IKBKE: variants seen among roughly 807,000 people sequenced by gnomAD.
IKBKE encodes the protein inhibitor of nuclear factor kappa B kinase subunit epsilon.
IKBKE carries 45 observed loss-of-function variants against 92.1 expected under a neutral mutation model. The ratio of observed to expected loss-of-function variants is 0.49; its 90% CI spans 0.38 to 0.63. The LOEUF (loss-of-function observed/expected upper bound fraction) is 0.63. Ranked by LOEUF, IKBKE falls within the 20% of genes least tolerant of loss-of-function variation. IKBKE has a pLI of 0.00. For synonymous variants in IKBKE, 374 were observed against 380.3 expected (o/e 0.98, Z 0.19); for missense variants, 700 against 932.8 (o/e 0.75, Z 3.25).
intron 16 of IKBKE, among the ~76,000 whole-genome samples, chr1:206,489,904 C>T (rs1188114925): frequency 2.0e-5 from 3 of 152,096 alleles, no homozygotes; most frequent in Non-Finnish European, 2.9e-5. Context: ...AAAATGAACC[C>T]CTAACTGTTA....
intron 13 of IKBKE, among the ~76,000 whole-genome samples, chr1:206,481,933 C>T (rs1344625209): frequency 6.6e-6 from 1 of 151,726 alleles, no homozygotes; most frequent in Non-Finnish European, 1.5e-5. Flanking sequence ...GTGCCCGCCA[C>T]TACGCCCGGC....
Position 206,490,234 on chromosome 1 carries a change from G to C in IKBKE, c.1694-585G>C, listed in dbSNP as rs1482717503. On this transcript the variant is annotated intron_variant, in intron 16 of 21. Coordinates refer to ENST00000581977, the MANE Select transcript of IKBKE (RefSeq NM_014002.4). The surrounding 1 kb of genome is among the most constrained non-coding windows in gnomAD (Gnocchi z 5.2). ...TTCATCTTGGGGCTGCCGCCACCCT[G>C]GAGGCCCATTCCTGCGAAGACCAGG... 6.6e-6 allele frequency among the ~76,000 whole-genome samples: 1 copy of C among 152,160 alleles called. No homozygotes were observed. The highest frequency in any genetic ancestry group is 2.4e-5 in the African/African-American group (1 of 41,432).
rs782296451 is a variant in IKBKE at position 206,474,426 on chromosome 1, G to A, written c.183G>A (p.Lys61=). ...VQVREFEVLR[K]LNHQNIVKLF... Reference sequence around the variant, plus strand: ...TGAGGGAGTTTGAGGTCCTGCGGAAGCTGAACCACCAGAACATTGTCAAGC... The same window carrying A: ...TGAGGGAGTTTGAGGTCCTGCGGAAACTGAACCACCAGAACATTGTCAAGC... Residue 61 remains lysine, a synonymous_variant, in exon 4 of 22, where the codon AAG becomes AAA. Coordinates refer to ENST00000581977, the MANE Select transcript of IKBKE (RefSeq NM_014002.4). The A allele has an allele frequency of 3.1e-6, 5 of 1,614,078 alleles. No homozygotes were observed. Among genetic ancestry groups the A allele is most frequent in the Non-Finnish European group, 3.4e-6 (4 of 1,180,030 alleles).
intron 10 of IKBKE, among the ~76,000 whole-genome samples, chr1:206,479,345 A>G (rs529830622): frequency 4.6e-5 from 7 of 152,318 alleles, no homozygotes; most frequent in Admixed American, 2.0e-4. Context: ...GCTTACTGGC[A>G]TCCTCAGAGC....
At chr1:206,492,930 T>C in intron 18 of IKBKE, 93 bp from the exon 19 acceptor site, 2 of 1,089,916 alleles carry the variant, frequency 1.8e-6, no homozygotes. Context: ...GGGACCCACC[T>C]GTGTCCATGT....
chr1:206,476,562 A>C lies in IKBKE; in HGVS notation c.541-116A>C, dbSNP rs982609243. On this transcript the variant is annotated intron_variant, in intron 6 of 21. Transcript: ENST00000581977. This position sits in a 1 kb window ranked among gnomAD's most constrained non-coding sequence, Gnocchi z 5.1. ...GGCTGACACCCATTTTTAAGATGAC[A>C]AAGAAGGATTTGAACAGTTCTGTTT... The C allele has an allele frequency of 7.7e-7, 1 of 1,298,762 alleles. No individual in the cohort carries two copies. Among genetic ancestry groups the C allele is most frequent in the Non-Finnish European group, 1.1e-6 (1 of 935,016 alleles). 80.5% of individuals were successfully genotyped at this position (1,298,762 alleles called of 1,614,324 possible). A position where few individuals can be genotyped will look rare whatever the true frequency, so the allele number is the denominator to read the frequency against.
At chr1:206,492,001 T>G (rs1558484683) in intron 18 of IKBKE, 3 of 388,514 alleles carry the variant, frequency 7.7e-6, no homozygotes, top group Non-Finnish European at 9.7e-6. Context: ...GTGAGGAAAC[T>G]GAGGCTCTGA....
intron 13 of IKBKE, among the ~76,000 whole-genome samples, chr1:206,481,320 C>T (rs782050750): frequency 6.6e-5 from 10 of 152,202 alleles, no homozygotes; most frequent in Non-Finnish European, 1.2e-4. Flanking sequence ...AAGGCCCCCT[C>T]CTCCCGCCAC....
rs41295990 is a variant in IKBKE, at chr1:206,473,323, C to G, written c.87+9C>G. 3.7e-6 allele frequency: 6 copies of G among 1,603,312 alleles called. No individual in the cohort carries two copies. The highest frequency in any genetic ancestry group is 5.1e-6 in the Non-Finnish European group (6 of 1,173,238). On this transcript the variant is annotated intron_variant, in intron 3 of 21. Coordinates refer to ENST00000581977, the MANE Select transcript of IKBKE (RefSeq NM_014002.4). ...ACAAGGCCCGCAACAAGGTAGGAAGCAACCCTGGCCAGGCCCTGTCCAGCC... is the reference window on the plus strand; with the variant it reads ...ACAAGGCCCGCAACAAGGTAGGAAGGAACCCTGGCCAGGCCCTGTCCAGCC...
At chr1:206,484,095 TTTGTATTGTA>T (rs56098571) in intron 13 of IKBKE, among the ~76,000 whole-genome samples, 8,124 of 122,052 alleles carry the variant, frequency 0.067, 288 homozygotes, top group South Asian at 0.12. Flanking sequence ...TGGCTTTTAT[TTTGTATTGTA>T]TTGTATTGTA....
Position 206,490,711 on chromosome 1 carries a change from C to A in IKBKE, c.1694-108C>A. ...CGCTGGGCGGTGAGTTCCCGTGAAG[C>A]AGCACAGGCTGGGCCGTCTTCATCT... On this transcript the variant is annotated intron_variant, in intron 16 of 21. Coordinates refer to ENST00000581977, the MANE Select transcript of IKBKE (RefSeq NM_014002.4). The surrounding 1 kb of genome is among the most constrained non-coding windows in gnomAD (Gnocchi z 5.2). 1 of 1,133,084 alleles carries A rather than the reference C, an allele frequency of 8.8e-7. No homozygotes were observed. 70.2% of individuals were successfully genotyped at this position (1,133,084 alleles called of 1,614,324 possible).
In IKBKE at chr1:206,485,764, C is replaced by T. The variant is rs1665619183; in HGVS notation, c.1616+458C>T. Among the ~76,000 whole-genome samples, 1 of 152,206 alleles carries T rather than the reference C, an allele frequency of 6.6e-6. No homozygotes were observed. The highest frequency in any genetic ancestry group is 1.5e-5 in the Non-Finnish European group (1 of 68,036). ...AGTAAATGACAAATGACAGAGGTGG[C>T]TTCAGGTCGGGTCTGTCCACCTCCA... On this transcript the variant is annotated intron_variant, in intron 15 of 21. Transcript: ENST00000581977. The surrounding 1 kb of genome is among the most constrained non-coding windows in gnomAD (Gnocchi z 5.0).
chr1:206,487,783 T>C lies in IKBKE; in HGVS notation c.1617-131T>C, dbSNP rs1424713583. 7.2e-6 allele frequency: 5 copies of C among 693,992 alleles called. No individual in the cohort carries two copies. In the African/African-American group the frequency reaches 8.8e-5, roughly 12 times the overall value. 43.0% of individuals were successfully genotyped at this position (693,992 alleles called of 1,614,324 possible). On this transcript the variant is annotated intron_variant, in intron 15 of 21. Coordinates refer to ENST00000581977, the MANE Select transcript of IKBKE (RefSeq NM_014002.4). This position sits in a 1 kb window ranked among gnomAD's most constrained non-coding sequence, Gnocchi z 5.3. ...CTAGAGACGGGACAGCCACCTCCAC[T>C]CCCAGACTGATCCCCCAAAACTGTG...
rs79808398 is a variant in IKBKE, at chr1:206,492,358, G to A, written c.1835+609G>A. ...CTGAGAAGAGAGGACAATTTCCCAC[G>A]TGCTACCACATTCTGAGGCCTGTAG... On this transcript the variant is annotated intron_variant, in intron 18 of 21. Transcript: ENST00000581977. 419 of 434,008 alleles carry A rather than the reference G, an allele frequency of 9.7e-4. 1 individual carries two copies. Among genetic ancestry groups the A allele is most frequent in the Non-Finnish European group, 1.4e-3 (300 of 207,280 alleles). The allele number at this position is 434,008 out of a possible 1,614,324, so 26.9% of individuals were successfully genotyped here.
chr1:206,488,819 T>A (rs1406280880), intron 16 of IKBKE, among the ~76,000 whole-genome samples: 1 of 152,164 alleles, frequency 6.6e-6, no homozygotes, highest in Non-Finnish European at 1.5e-5. Context: ...TAATTCTAAG[T>A]CTTCTAGTAG....
At chr1:206,484,841 G>A (rs1405242361) in intron 13 of IKBKE, among the ~76,000 whole-genome samples, 156 bp from the exon 14 acceptor site, 2 of 152,132 alleles carry the variant, frequency 1.3e-5, no homozygotes, top group African/African-American at 2.4e-5. Context: ...TCAGGATGGC[G>A]CCTCTGTCCC....
Position 206,485,997 on chromosome 1 carries a change from G to A in IKBKE, c.1616+691G>A, listed in dbSNP as rs1665637646. On this transcript the variant is annotated intron_variant, in intron 15 of 21. Transcript: ENST00000581977. This position sits in a 1 kb window ranked among gnomAD's most constrained non-coding sequence, Gnocchi z 5.0. ...CTCTGCTGGTGCCTACTGTAATCTGGGCCTATCCCCATCCATCATCCCATG... is the reference window on the plus strand; with the variant it reads ...CTCTGCTGGTGCCTACTGTAATCTGAGCCTATCCCCATCCATCATCCCATG... Among the ~76,000 whole-genome samples the A allele has an allele frequency of 6.6e-6, 1 of 152,124 alleles. No homozygotes were observed.
In IKBKE at chr1:206,478,345, T is replaced by A; in HGVS notation, c.992+6T>A. 1 of 1,611,830 alleles carries A rather than the reference T, an allele frequency of 6.2e-7. No individual in the cohort carries two copies. The highest frequency in any genetic ancestry group is 1.7e-5 in the Admixed American group (1 of 60,020). ...TATATCCATGCCCACAACACGTAAG[T>A]GGGGGCGAGGGAGGGAAGCGGTGAG... is the stretch of plus-strand genomic sequence containing the variant. On this transcript the variant is annotated splice_donor_region_variant and intron_variant, in intron 9 of 21. Coordinates refer to ENST00000581977, the MANE Select transcript of IKBKE (RefSeq NM_014002.4). This position sits in a 1 kb window ranked among gnomAD's most constrained non-coding sequence, Gnocchi z 4.8.
At chr1:206,479,967 C>A (rs2103462899) in intron 11 of IKBKE, 33 bp downstream of exon 11, 1 of 1,613,178 alleles carries the variant, frequency 6.2e-7, no homozygotes, top group Non-Finnish European at 8.5e-7. Flanking sequence ...CAGGGAGGGG[C>A]ATGACCCAAG....
Sources: allele counts gnomAD v4.1 joint callset (sites outside exome capture counted in the v4.1 genomes callset), GRCh38; gene constraint gnomAD v4.1.1; non-coding constraint Gnocchi (gnomAD v3.1); transcripts MANE v1.5; gene names NCBI Gene and HGNC (gene_info 2026-07-23, HGNC 2026-07-21).